The following PTPRN2 variants were observed in gnomAD, a reference collection of about 807,000 sequenced individuals.
The protein encoded by PTPRN2 is protein tyrosine phosphatase receptor type N2.
PTPRN2 carries 74 observed loss-of-function variants against 118.8 expected under a neutral mutation model. The ratio of observed to expected loss-of-function variants is 0.62; its 90% CI spans 0.52 to 0.76. PTPRN2 has a LOEUF of 0.76. Among genes scored for constraint, PTPRN2 ranks in the 30% least tolerant of loss-of-function variants. The pLI is 0.00. For missense variants in PTPRN2, 1,481 were observed against 1,394.4 expected, an observed-to-expected ratio of 1.06 and a Z score of -0.99; for synonymous variants, 641 against 608.0, an observed-to-expected ratio of 1.05 and a Z score of -0.80.
chr7:158,243,303 A>C (rs1193049223), intron 3 of PTPRN2, among the ~76,000 whole-genome samples: 1 of 152,148 alleles, frequency 6.6e-6, no homozygotes, highest in Admixed American at 6.5e-5. Flanking sequence ...AAAATTAATC[A>C]ATGCAAGAGG....
At chr7:157,673,092 C>T (rs1050666738) in intron 13 of PTPRN2, among the ~76,000 whole-genome samples, 5 of 152,040 alleles carry the variant, frequency 3.3e-5, no homozygotes, top group Admixed American at 1.3e-4. Flanking sequence ...GTTTTGATTT[C>T]GGCTCACCGC....
intron 5 of PTPRN2, among the ~76,000 whole-genome samples, chr7:158,189,872 A>G (rs1825624144): frequency 6.6e-6 from 1 of 152,216 alleles, no homozygotes; most frequent in Admixed American, 6.5e-5. Context: ...CAATGATTTC[A>G]GAGCTGGAGG....
At chr7:158,534,856 C>T (rs10232983) in intron 1 of PTPRN2, among the ~76,000 whole-genome samples, 69,278 of 151,744 alleles carry the variant, frequency 0.46, 16,233 homozygotes, top group South Asian at 0.67. Flanking sequence ...CGTTGGGCAG[C>T]CTGCACAGCC....
chr7:158,433,045 C>G (rs1816337235), intron 2 of PTPRN2, among the ~76,000 whole-genome samples: 1 of 152,260 alleles, frequency 6.6e-6, no homozygotes, highest in Non-Finnish European at 1.5e-5. Flanking sequence ...TGGAATCACA[C>G]TCTCTGCTCT....
intron 11 of PTPRN2, among the ~76,000 whole-genome samples, chr7:157,940,492 C>A (rs1244270809): frequency 6.6e-6 from 1 of 150,678 alleles, no homozygotes; most frequent in Non-Finnish European, 1.5e-5. Flanking sequence ...CACTGCAAAT[C>A]TAACACCCTC....
Position 157,893,005 on chromosome 7 carries a change from G to A in PTPRN2, c.1788+5668C>T, listed in dbSNP as rs1057359786. ...TGAGGGCCCTCTGGGCACGATGTCC[G>A]TGGGGTCAAGAGCTCGAGAAGAACC... On this transcript the variant is annotated intron_variant, in intron 12 of 22. Transcript: ENST00000389418. This position sits in a 1 kb window ranked among gnomAD's most constrained non-coding sequence, Gnocchi z 4.0. Among the ~76,000 whole-genome samples the A allele has an allele frequency of 4.6e-5, 7 of 152,370 alleles. No homozygotes were observed. The highest frequency in any genetic ancestry group is 1.4e-4 in the African/African-American group (6 of 41,594).
chr7:157,624,335 C>T (rs993382898), intron 14 of PTPRN2, among the ~76,000 whole-genome samples: 3 of 152,082 alleles, frequency 2.0e-5, no homozygotes, highest in East Asian at 1.9e-4. Context: ...GCAGGAGAAT[C>T]GCTTGAACCT....
At chr7:157,720,497 C>T (rs543713678) in intron 12 of PTPRN2, among the ~76,000 whole-genome samples, 8 of 152,214 alleles carry the variant, frequency 5.3e-5, no homozygotes, top group Non-Finnish European at 8.8e-5. Flanking sequence ...GCTGCACAGC[C>T]GGGTGATCCA....
chr7:158,442,694 C>T (rs1309979131), intron 2 of PTPRN2, among the ~76,000 whole-genome samples: 2 of 152,174 alleles, frequency 1.3e-5, no homozygotes, highest in African/African-American at 2.4e-5. Flanking sequence ...GATTTTGTGG[C>T]TTGTACCCTT....
rs2002796 is a variant in PTPRN2 at position 158,266,809 on chromosome 7, G to A, written c.277+50010C>T. ...TTGCCTGACCCCATTAAAAAATGGA[G>A]TTCAAATATGCCAAATTTTTAAAAC... On this transcript the variant is annotated intron_variant, in intron 3 of 22. Transcript: ENST00000389418. Among the ~76,000 whole-genome samples the A allele has an allele frequency of 7.6e-3, 1,151 of 152,348 alleles. 17 individuals carry two copies. Among genetic ancestry groups the A allele is most frequent in the African/African-American group, 0.026 (1,072 of 41,574 alleles).
intron 3 of PTPRN2, among the ~76,000 whole-genome samples, chr7:158,226,802 A>G (rs1419009895): frequency 2.0e-5 from 3 of 150,792 alleles, no homozygotes; most frequent in Non-Finnish European, 4.4e-5. Context: ...ACTGTGTCCT[A>G]TTATATCATA....
intron 11 of PTPRN2, among the ~76,000 whole-genome samples, chr7:158,057,946 A>C (rs1809925308): frequency 6.6e-6 from 1 of 152,246 alleles, no homozygotes; most frequent in South Asian, 2.1e-4. Flanking sequence ...TAATCTGTTT[A>C]ATGGGAAAGT....
chr7:158,238,415 G>C (rs185028689), intron 3 of PTPRN2, among the ~76,000 whole-genome samples: 3 of 152,246 alleles, frequency 2.0e-5, no homozygotes, highest in Non-Finnish European at 4.4e-5. Flanking sequence ...GGCACAGGAA[G>C]GAAGGAAGCC....
chr7:157,863,946 C>G (rs1431294134), intron 12 of PTPRN2: 2 of 152,330 alleles, frequency 1.3e-5, no homozygotes, highest in Non-Finnish European at 1.5e-5. Context: ...TTTAAGCTGC[C>G]CTGTCTGTGG....
intron 1 of PTPRN2, among the ~76,000 whole-genome samples, chr7:158,582,892 G>A (rs1828708385): frequency 6.6e-6 from 1 of 151,770 alleles, no homozygotes. Context: ...ATGCCAGGGA[G>A]CTATTATTAG....
Position 158,538,128 on chromosome 7 carries a change from C to A in PTPRN2, c.113-48343G>T, listed in dbSNP as rs563361046. Among the ~76,000 whole-genome samples the A allele has an allele frequency of 4.6e-5, 7 of 152,342 alleles. No homozygotes were observed. The East Asian group carries it at 1.4e-3, about 30-fold the overall frequency. On this transcript the variant is annotated intron_variant, in intron 1 of 22. Transcript: ENST00000389418. The stretch of plus-strand genomic sequence containing the variant: ...TGTGGAGCTCTCTTCCGGACGCTGG[C>A]GGAAAAGAGCACAGCTCGTGCACCT...
chr7:157,711,537 T>A (rs10240401), intron 12 of PTPRN2, among the ~76,000 whole-genome samples: 1 of 151,562 alleles, frequency 6.6e-6, no homozygotes, highest in African/African-American at 2.4e-5. Flanking sequence ...GAGGCTGTCC[T>A]GGGACCTGAG....
chr7:158,296,498 CT>C (rs1490140961), intron 3 of PTPRN2, among the ~76,000 whole-genome samples: 7 of 152,314 alleles, frequency 4.6e-5, no homozygotes, highest in East Asian at 1.9e-4. Context: ...AGAAAGCCCC[CT>C]GTCCTTGCAA....
At chr7:158,115,366 G>A (rs913493203) in intron 9 of PTPRN2, among the ~76,000 whole-genome samples, 2 of 152,108 alleles carry the variant, frequency 1.3e-5, no homozygotes, top group African/African-American at 2.4e-5. Context: ...TGTGTCAGCG[G>A]GTAAGGTGTT....
Sources: gnomAD v4.1 joint callset for allele counts (sites outside exome capture counted in the v4.1 genomes callset) on GRCh38, gnomAD v4.1.1 for gene constraint, Gnocchi (gnomAD v3.1) non-coding constraint, MANE v1.5 for transcripts, NCBI Gene and HGNC (gene_info 2026-07-23, HGNC 2026-07-21) for gene names.